Variants in RXFP1 observed in about 807,000 individuals in gnomAD.
RXFP1 encodes relaxin receptor 1.
In RXFP1, 73 loss-of-function variants were observed where a neutral mutation model predicts 89.8. The ratio of observed to expected loss-of-function variants is 0.81; its 90% confidence interval spans 0.67 to 0.99. The LOEUF (loss-of-function observed/expected upper bound fraction) is 0.99, where lower values mean the gene tolerates loss of function less well. Among genes scored for constraint, RXFP1 ranks in the 50% least tolerant of loss-of-function variants. The pLI is 0.00. For missense variants in RXFP1, 793 were observed against 895.5 expected (o/e 0.89, Z 1.46); for synonymous variants, 277 against 305.5 (o/e 0.91, Z 0.97).
intron 2 of RXFP1, among the ~76,000 whole-genome samples, chr4:158,585,930 A>G (rs1364623050): frequency 1.3e-5 from 2 of 152,212 alleles, no homozygotes; most frequent in South Asian, 2.1e-4. Context: ...CTTAAAAGCA[A>G]TACACTCCGA....
intron 1 of RXFP1, among the ~76,000 whole-genome samples, chr4:158,565,698 G>A (rs919012891): frequency 3.9e-5 from 6 of 152,168 alleles, no homozygotes; most frequent in Non-Finnish European, 8.8e-5. Context: ...ATAATCAACA[G>A]ATTGTAACCC....
At position 158,603,943 on chromosome 4, in the gene RXFP1, T is replaced by C. The variant is rs114908901; in HGVS notation, c.393-1125T>C. 8.8e-3 allele frequency among the ~76,000 whole-genome samples: 1,316 copies of C among 149,188 alleles called. 15 individuals are homozygous for C. Among genetic ancestry groups the C allele is most frequent in the African/African-American group, 0.03 (1,210 of 40,954 alleles). ...ATAATAATAATACAGATATACTATA[T>C]ATGTTCTTGTGTATATCTGCATTAT... On this transcript the variant is annotated intron_variant, in intron 4 of 17. Coordinates refer to ENST00000307765, the MANE Select transcript of RXFP1 (RefSeq NM_021634.4).
chr4:158,545,370 T>A (rs1425234643), intron 1 of RXFP1, among the ~76,000 whole-genome samples: 1 of 152,252 alleles, frequency 6.6e-6, no homozygotes, highest in Non-Finnish European at 1.5e-5. Flanking sequence ...GATAGGTAGG[T>A]TGCTAAAATT....
chr4:158,599,279 C>T, intron 3 of RXFP1, 47 bp from the exon 4 acceptor site: 1 of 1,612,576 alleles, frequency 6.2e-7, no homozygotes. Context: ...CCCTCCTCTT[C>T]CTGGTCCCTC....
chr4:158,544,188 C>T (rs1027953860), intron 1 of RXFP1: 20 of 984,820 alleles, frequency 2.0e-5, no homozygotes, highest in African/African-American at 1.6e-4. Context: ...CCAAATGAAC[C>T]GCAAGTCTGA....
chr4:158,636,033 T>G (rs1769088514), intron 12 of RXFP1, among the ~76,000 whole-genome samples: 1 of 152,042 alleles, frequency 6.6e-6, no homozygotes, highest in Non-Finnish European at 1.5e-5. Flanking sequence ...GAAGTTTCCT[T>G]TAATCAATGA....
In RXFP1 at chr4:158,521,924, AC is replaced by A. The variant is rs1741263216; in HGVS notation, c.-51del. ...ACTGTGAGCTGTATGCGATTCAGAAACCAAGACCAAATTTTGCTCACTTTCA... is the reference window on the plus strand; with the variant it reads ...ACTGTGAGCTGTATGCGATTCAGAAACAAGACCAAATTTTGCTCACTTTCA... On this transcript the variant is annotated 5_prime_UTR_variant, in exon 1 of 18. The change abolishes the stop of an existing upstream ORF in the 5' untranslated region. Transcript: ENST00000307765. 7.3e-7 allele frequency: 1 copy of A among 1,365,276 alleles called. No individual in the cohort carries two copies. The allele number at this position is 1,365,276 out of a possible 1,614,324, so 84.6% of individuals were successfully genotyped here.
intron 9 of RXFP1, among the ~76,000 whole-genome samples, chr4:158,623,502 CAAAAA>C (rs56692438): frequency 1.4e-3 from 58 of 42,636 alleles, no homozygotes; most frequent in African/African-American, 3.1e-3. Context: ...AACTCCATCT[CAAAAA>C]AAAAAAAAAA....
At position 158,638,041 on chromosome 4, in the gene RXFP1, A is replaced by G. The variant is rs1008291524; in HGVS notation, c.1005A>G (p.Gln335=). The G allele has an allele frequency of 1.2e-6, 2 of 1,605,036 alleles. No individual in the cohort carries two copies. The highest frequency in any genetic ancestry group is 2.7e-5 in the African/African-American group (2 of 74,732). ...NLSYNPIQKI[Q]ANQFDYLVKL... Reference sequence around the variant, plus strand: ...CCTATAATCCAATCCAGAAAATTCAAGCAAACCAATTTGATTATCTTGTCA... The same window carrying G: ...CCTATAATCCAATCCAGAAAATTCAGGCAAACCAATTTGATTATCTTGTCA... The change falls in exon 13 of 18, where the codon CAA becomes CAG. Residue 335 remains glutamine, a synonymous_variant. Coordinates refer to ENST00000307765, the MANE Select transcript of RXFP1 (RefSeq NM_021634.4).
intron 17 of RXFP1, among the ~76,000 whole-genome samples, chr4:158,649,412 C>G (rs774758965): frequency 9.9e-5 from 15 of 151,918 alleles, no homozygotes; most frequent in Non-Finnish European, 1.9e-4. Context: ...GAAGATCATG[C>G]CAGAGTGTGA....
chr4:158,646,430 C>A, intron 15 of RXFP1: 1 of 1,185,748 alleles, frequency 8.4e-7, no homozygotes, highest in Non-Finnish European at 1.1e-6. Context: ...GTAATGCCAT[C>A]CTCATCTGAG....
At chr4:158,601,156 A>G (rs1459316131) in intron 4 of RXFP1, among the ~76,000 whole-genome samples, 3 of 152,126 alleles carry the variant, frequency 2.0e-5, no homozygotes, top group Non-Finnish European at 4.4e-5. Flanking sequence ...TAGTATACAC[A>G]TACATACGTA....
At chr4:158,531,498 T>C (rs2149794641) in intron 1 of RXFP1, among the ~76,000 whole-genome samples, 1 of 152,328 alleles carries the variant, frequency 6.6e-6, no homozygotes, top group East Asian at 1.9e-4. Flanking sequence ...TCTATTCTAA[T>C]TTTTTCAGGA....
At chr4:158,648,420 T>TA in intron 16 of RXFP1, 79 bp from the exon 17 acceptor site, 1 of 858,324 alleles carries the variant, frequency 1.2e-6, no homozygotes, top group East Asian at 2.7e-5. Flanking sequence ...TCTTTAATAA[T>TA]AAAAATGTTT....
intron 1 of RXFP1, among the ~76,000 whole-genome samples, chr4:158,565,423 A>G (rs1753352705): frequency 6.6e-6 from 1 of 152,116 alleles, no homozygotes; most frequent in Non-Finnish European, 1.5e-5. Flanking sequence ...GTGATACTCC[A>G]CTATCAGTGA....
At chr4:158,530,877 C>A (rs1743862796) in intron 1 of RXFP1, among the ~76,000 whole-genome samples, 1 of 152,154 alleles carries the variant, frequency 6.6e-6, no homozygotes, top group African/African-American at 2.4e-5. Context: ...TGTGGCAAGT[C>A]ATTTGTCTAT....
intron 2 of RXFP1, among the ~76,000 whole-genome samples, chr4:158,581,447 A>G (rs1363346491): frequency 1.3e-5 from 2 of 152,250 alleles, no homozygotes; most frequent in Non-Finnish European, 2.9e-5. Flanking sequence ...TAGGGCCTTC[A>G]AACAAATCTC....
intron 11 of RXFP1, among the ~76,000 whole-genome samples, chr4:158,630,657 G>A (rs9990960): frequency 0.089 from 13,513 of 152,194 alleles, 1,903 homozygotes; most frequent in African/African-American, 0.3. Flanking sequence ...TGCAGAGGGT[G>A]ACCAAGGCCA....
intron 1 of RXFP1, among the ~76,000 whole-genome samples, chr4:158,546,365 T>A (rs1022098337): frequency 1.3e-5 from 2 of 152,060 alleles, no homozygotes; most frequent in Non-Finnish European, 2.9e-5. Context: ...GACAATGGGG[T>A]TTTCTAGGTA....
Sources: allele counts gnomAD v4.1 joint callset (sites outside exome capture counted in the v4.1 genomes callset), GRCh38; gene constraint gnomAD v4.1.1; transcripts MANE v1.5; gene names NCBI Gene and HGNC (gene_info 2026-07-23, HGNC 2026-07-21).